The following PATJ variants were observed in gnomAD, a reference collection of about 807,000 sequenced individuals.
The protein encoded by PATJ is inaD-like protein.
In PATJ, 190 loss-of-function variants were observed where a neutral mutation model predicts 224.9. The observed-to-expected ratio is 0.84, with a 90% CI of 0.75 to 0.95. The LOEUF (loss-of-function observed/expected upper bound fraction) is 0.95, where lower values mean the gene tolerates loss of function less well. PATJ is among the 40% of genes least tolerant of loss of function. PATJ has a pLI of 0.00. For missense variants in PATJ, 2,121 were observed against 2,270.3 expected (o/e 0.93, Z 1.34); for synonymous variants, 769 against 820.3 (o/e 0.94, Z 1.07).
At chr1:62,085,931 G>A (rs532090301) in intron 33 of PATJ, among the ~76,000 whole-genome samples, 2 of 150,934 alleles carry the variant, frequency 1.3e-5, no homozygotes, top group East Asian at 1.9e-4. Context: ...TTTAGAAGTC[G>A]GTGTAGAATA....
intron 24 of PATJ, among the ~76,000 whole-genome samples, chr1:61,905,904 C>T (rs1304669468): frequency 3.3e-5 from 5 of 152,262 alleles, no homozygotes; most frequent in South Asian, 4.2e-4. Context: ...AGATCCCCAG[C>T]GGACACCAAC....
chr1:61,810,130 A>C (rs1439794799), intron 14 of PATJ, among the ~76,000 whole-genome samples: 1 of 151,806 alleles, frequency 6.6e-6, no homozygotes, highest in East Asian at 2.0e-4. Flanking sequence ...GATTACAGGC[A>C]TGAGTCACCA....
chr1:62,021,486 T>G (rs960080496), intron 29 of PATJ, among the ~76,000 whole-genome samples: 7 of 152,216 alleles, frequency 4.6e-5, no homozygotes, highest in Non-Finnish European at 8.8e-5. Context: ...AAAGCTTTAT[T>G]GAATAAATTT....
At chr1:62,052,780 A>G (rs756069353) in intron 31 of PATJ, among the ~76,000 whole-genome samples, 2 of 152,170 alleles carry the variant, frequency 1.3e-5, no homozygotes, top group African/African-American at 2.4e-5. Context: ...ATGGCAGTAA[A>G]AAATTATGAT....
chr1:62,158,489 G>A lies in PATJ; in HGVS notation c.5503-2419G>A, dbSNP rs1309552462. Among the ~76,000 whole-genome samples, 14 of 148,728 alleles carry A rather than the reference G, an allele frequency of 9.4e-5. No homozygotes were observed. In the Admixed American group the frequency reaches 9.9e-4, roughly 10 times the overall value. The stretch of plus-strand genomic sequence containing the variant: ...AATCCCAGCACTTTGGGAGGCCAAG[G>A]TGGGCGGATCACGAGGTCAGGAGAT... On this transcript the variant is annotated intron_variant, in intron 43 of 43. Transcript: ENST00000642238.
At position 61,908,037 on chromosome 1, in the gene PATJ, C is replaced by G. The variant is rs180922156; in HGVS notation, c.3382-335C>G. Among the ~76,000 whole-genome samples the G allele has an allele frequency of 3.9e-5, 6 of 152,326 alleles. No homozygotes were observed. The East Asian group carries it at 1.2e-3, about 29-fold the overall frequency. On this transcript the variant is annotated intron_variant, in intron 24 of 43. Coordinates refer to ENST00000642238, the MANE Select transcript of PATJ (RefSeq NM_001350145.3). ...GATATTCCCAGCCTCCCTTATCCCA[C>G]TCAGAATTATGTACTGTGCTCCTGG...
At chr1:62,032,901 C>T (rs1649600624) in intron 29 of PATJ, among the ~76,000 whole-genome samples, 1 of 152,100 alleles carries the variant, frequency 6.6e-6, no homozygotes, top group Non-Finnish European at 1.5e-5. Flanking sequence ...CACAAGGCAG[C>T]AGGAAGGAGA....
rs1160599319 is a variant in PATJ at position 62,020,950 on chromosome 1, C to T, written c.3959+3003C>T. On this transcript the variant is annotated intron_variant, in intron 29 of 43. Coordinates refer to ENST00000642238, the MANE Select transcript of PATJ (RefSeq NM_001350145.3). ...AAACAATTCTCATGCCTCAATCTCC[C>T]GAGTAGCTGGGACTACAGGTGTGTA... 3.9e-5 allele frequency among the ~76,000 whole-genome samples: 6 copies of T among 152,004 alleles called. No homozygotes were observed. In the East Asian group the frequency reaches 7.7e-4, roughly 20 times the overall value.
chr1:62,144,766 C>CAAA lies in PATJ; in HGVS notation c.5272-3508_5272-3506dup, dbSNP rs546610971. Among the ~76,000 whole-genome samples, 736 of 116,446 alleles carry CAAA rather than the reference C, an allele frequency of 6.3e-3. 28 individuals are homozygous for CAAA. Among genetic ancestry groups the CAAA allele is most frequent in the African/African-American group, 0.023 (670 of 29,042 alleles). The allele number at this position is 116,446 out of a possible 152,430, so 76.4% of individuals were successfully genotyped here. On this transcript the variant is annotated intron_variant, in intron 41 of 43. Coordinates refer to ENST00000642238, the MANE Select transcript of PATJ (RefSeq NM_001350145.3). ...TCTAAATGCTCTAGAATGTTATTTG[C>CAAA]AAAAAAAAAAAATATATATATATAT...
At chr1:62,088,327 G>T (rs781589394) in intron 33 of PATJ, among the ~76,000 whole-genome samples, 3 of 152,096 alleles carry the variant, frequency 2.0e-5, no homozygotes, top group Non-Finnish European at 2.9e-5. Context: ...CCAGACCATC[G>T]TTCCCCAAAC....
intron 27 of PATJ, among the ~76,000 whole-genome samples, chr1:61,978,995 A>T (rs1644300165): frequency 6.6e-6 from 1 of 152,080 alleles, no homozygotes; most frequent in African/African-American, 2.4e-5. Flanking sequence ...TTGAACAAGA[A>T]AAAGGCATTG....
At chr1:61,989,668 G>A (rs191666495) in intron 27 of PATJ, among the ~76,000 whole-genome samples, 4 of 152,166 alleles carry the variant, frequency 2.6e-5, no homozygotes, top group Admixed American at 1.3e-4. Context: ...GGTGGGTTGG[G>A]GCAGATAGGA....
intron 27 of PATJ, among the ~76,000 whole-genome samples, chr1:61,932,586 G>C (rs1438607786): frequency 1.3e-5 from 2 of 152,172 alleles, no homozygotes; most frequent in African/African-American, 2.4e-5. Flanking sequence ...AGGAAGAAGA[G>C]AAAGAGGACG....
chr1:61,871,553 ATATATTTTTTTTTTTTTT>A (rs1666596507), intron 20 of PATJ, among the ~76,000 whole-genome samples: 1 of 25,544 alleles, frequency 3.9e-5, no homozygotes. Flanking sequence ...ATATATATAT[ATATATTTTTTTTTTTTTT>A]TTTTTTTTTG....
intron 17 of PATJ, among the ~76,000 whole-genome samples, chr1:61,838,942 A>T (rs1014276696): frequency 1.3e-5 from 2 of 152,090 alleles, no homozygotes; most frequent in African/African-American, 4.8e-5. Context: ...ATTGCTTTAC[A>T]TGTATTAGGC....
intron 41 of PATJ, among the ~76,000 whole-genome samples, chr1:62,139,567 A>AT (rs1183521608): frequency 7.9e-5 from 12 of 152,052 alleles, no homozygotes; most frequent in African/African-American, 2.9e-4. Flanking sequence ...CTCACAGACC[A>AT]TATCTCAGAG....
chr1:62,099,653 G>C (rs1008883939), intron 33 of PATJ, among the ~76,000 whole-genome samples: 1 of 152,018 alleles, frequency 6.6e-6, no homozygotes, highest in African/African-American at 2.4e-5. Flanking sequence ...ATTAAGCCGT[G>C]TATTCATAGT....
intron 30 of PATJ, among the ~76,000 whole-genome samples, chr1:62,042,895 C>T (rs1401571924): frequency 1.3e-5 from 2 of 152,320 alleles, no homozygotes; most frequent in African/African-American, 4.8e-5. Context: ...AGTCCTCTCA[C>T]CTCAGCCTCC....
At chr1:62,160,721 C>T (rs1446203194) in intron 43 of PATJ, among the ~76,000 whole-genome samples, 187 bp from the exon 44 acceptor site, 1 of 152,138 alleles carries the variant, frequency 6.6e-6, no homozygotes, top group Non-Finnish European at 1.5e-5. Flanking sequence ...ACTATTCAAC[C>T]ATTATTATTC....
Sources: allele counts gnomAD v4.1 joint callset (sites outside exome capture counted in the v4.1 genomes callset), GRCh38; gene constraint gnomAD v4.1.1; transcripts MANE v1.5; gene names NCBI Gene and HGNC (gene_info 2026-07-23, HGNC 2026-07-21).